The following CCDC171 variants were observed in gnomAD, a reference collection of about 807,000 sequenced individuals.
CCDC171 encodes coiled-coil domain containing 171.
In CCDC171, 177 loss-of-function variants were observed where a neutral mutation model predicts 168.2. The observed-to-expected ratio is 1.05, with a 90% CI of 0.93 to 1.19. CCDC171 has a LOEUF of 1.19. Ranked by LOEUF, CCDC171 falls within the 50% of genes most tolerant of loss-of-function variation. CCDC171 has a pLI of 0.00. For missense variants in CCDC171, 1,991 were observed against 1,539.0 expected, an observed-to-expected ratio of 1.29 and a Z score of -4.91; for synonymous variants, 687 against 540.8, an observed-to-expected ratio of 1.27 and a Z score of -3.75.
intron 3 of CCDC171, among the ~76,000 whole-genome samples, chr9:16,013,816 C>T (rs533986908): frequency 6.6e-6 from 1 of 152,288 alleles, no homozygotes; most frequent in Admixed American, 6.5e-5. Flanking sequence ...GACATTATGT[C>T]TTTAAAAATG....
chr9:15,846,635 G>A, intron 21 of CCDC171, 67 bp from the exon 22 acceptor site: 1 of 1,499,586 alleles, frequency 6.7e-7, no homozygotes, highest in Non-Finnish European at 9.2e-7. Flanking sequence ...TTGTTTAATA[G>A]CCTATGGCAT....
intron 11 of CCDC171, among the ~76,000 whole-genome samples, chr9:15,711,830 T>C (rs1369369463): frequency 6.6e-6 from 1 of 152,228 alleles, no homozygotes; most frequent in Non-Finnish European, 1.5e-5. Flanking sequence ...TTAGTCCTTC[T>C]TTTTCTATCT....
intron 3 of CCDC171, among the ~76,000 whole-genome samples, chr9:15,996,071 C>G (rs1832360771): frequency 1.3e-5 from 2 of 152,226 alleles, no homozygotes; most frequent in Non-Finnish European, 2.9e-5. Flanking sequence ...ACTTACACTG[C>G]TGTCCAGTTT....
chr9:15,764,929 C>G (rs2056643005), intron 18 of CCDC171, among the ~76,000 whole-genome samples: 4 of 152,248 alleles, frequency 2.6e-5, no homozygotes, highest in South Asian at 2.1e-4. Context: ...ATTTGTGGAC[C>G]TTTCAACATT....
At chr9:16,079,167 T>C in the CCDC171 span, among the ~76,000 whole-genome samples, 37,360 of 152,128 alleles carry the variant, frequency 0.25, 4,661 homozygotes, top group Admixed American at 0.28. Flanking sequence ...GATCCTCAGC[T>C]GGCTGCATTG....
rs1420601592 is a variant in CCDC171, at chr9:15,961,718, A to G, written c.3754-9891A>G. ...GCCATAACTATACTAAAATATATAG[A>G]TGTATTTCAGTATATATAAATATGT... On this transcript the variant is annotated intron_variant, in intron 25 of 25. Transcript: ENST00000380701. Among the ~76,000 whole-genome samples the G allele has an allele frequency of 5.3e-5, 8 of 152,132 alleles. No homozygotes were observed. In the South Asian group the frequency reaches 1.4e-3, roughly 28 times the overall value.
At chr9:16,059,805 C>T (rs1463229987) in intron 1 of CCDC171, among the ~76,000 whole-genome samples, 2 of 151,402 alleles carry the variant, frequency 1.3e-5, no homozygotes, top group Non-Finnish European at 2.9e-5. Context: ...TGAGCCACCG[C>T]GCCTGGCCTT....
chr9:15,667,439 A>G (rs1055835384), intron 9 of CCDC171, among the ~76,000 whole-genome samples: 3 of 152,134 alleles, frequency 2.0e-5, no homozygotes, highest in Non-Finnish European at 4.4e-5. Context: ...TGAGTTCAGG[A>G]GTTCGAGACC....
chr9:15,753,085 C>T (rs2055866798), intron 18 of CCDC171, among the ~76,000 whole-genome samples: 1 of 152,118 alleles, frequency 6.6e-6, no homozygotes, highest in Non-Finnish European at 1.5e-5. Flanking sequence ...CTAATACGCA[C>T]AGTTGTTAGA....
rs142579115 is a variant in CCDC171, at chr9:15,744,577, A to C, written c.2354A>C (p.Glu785Ala). ...TCAACTGTAGAGGAAAAGAAGCAAG[A>C]GGAAGCCAAGATGAAAAAGAAAACA... is the stretch of plus-strand genomic sequence containing the variant. The part of the protein sequence containing the change: ...ALSTVEEKKQ[E>A]EAKMKKKTFK... Residue 785 changes from glutamate (E) to alanine (A), a missense_variant, in exon 17 of 26, where the codon GAG becomes GCG. Glu to Ala is a moderately radical substitution (Grantham distance 107). Coordinates refer to ENST00000380701, the MANE Select transcript of CCDC171 (RefSeq NM_173550.4). The C allele has an allele frequency of 6.2e-7, 1 of 1,614,226 alleles. No individual in the cohort carries two copies. Among genetic ancestry groups the C allele is most frequent in the African/African-American group, 1.3e-5 (1 of 75,072 alleles).
intron 21 of CCDC171, among the ~76,000 whole-genome samples, chr9:15,821,086 C>T (rs1250441708): frequency 8.5e-6 from 1 of 117,344 alleles, no homozygotes; most frequent in African/African-American, 3.2e-5. Flanking sequence ...AGACAAAAAT[C>T]ACATGATTAT....
chr9:15,950,537 A>G (rs1829020281), intron 25 of CCDC171, among the ~76,000 whole-genome samples: 1 of 152,134 alleles, frequency 6.6e-6, no homozygotes, highest in African/African-American at 2.4e-5. Context: ...TTCATAAGTG[A>G]AGGAGAAATA....
At chr9:15,874,774 A>C in intron 24 of CCDC171, 111 bp downstream of exon 24, 1 of 1,061,544 alleles carries the variant, frequency 9.4e-7, no homozygotes, top group East Asian at 2.9e-5. Flanking sequence ...AGGAGATGCA[A>C]ATAGATGTTT....
rs183087670 is a variant in CCDC171 at position 15,578,479 on chromosome 9, G to A, written c.178-370G>A. Among the ~76,000 whole-genome samples, 188 of 149,234 alleles carry A rather than the reference G, an allele frequency of 1.3e-3. No individual in the cohort carries two copies. In the Middle Eastern group the frequency reaches 0.025, roughly 20 times the overall value. ...GAGACAGGGTCTGCCCATGTGGCCC[G>A]GGCTGGTCTTGAACTCCTGGGCTTA... On this transcript the variant is annotated intron_variant, in intron 3 of 25. Transcript: ENST00000380701.
chr9:16,040,365 T>C (rs760846504), upstream of CCDC171, among the ~76,000 whole-genome samples: 4 of 152,192 alleles, frequency 2.6e-5, no homozygotes, highest in Non-Finnish European at 5.9e-5. Flanking sequence ...AGACCTCAGA[T>C]TCCTGAGTTC....
At chr9:15,591,673 T>C in intron 5 of CCDC171, 117 bp downstream of exon 5, 1 of 637,822 alleles carries the variant, frequency 1.6e-6, no homozygotes, top group Non-Finnish European at 2.6e-6. Context: ...CCTTCCTTCC[T>C]CCCTCCCATT....
intron 18 of CCDC171, among the ~76,000 whole-genome samples, chr9:15,747,640 A>G (rs550212637): frequency 6.6e-6 from 1 of 152,294 alleles, no homozygotes; most frequent in African/African-American, 2.4e-5. Flanking sequence ...GCAAACTCCA[A>G]CAGATCTGCA....
chr9:16,035,208 C>T (rs1006506072), intron 6 of CCDC171, among the ~76,000 whole-genome samples: 8 of 152,078 alleles, frequency 5.3e-5, no homozygotes, highest in Admixed American at 2.6e-4. Flanking sequence ...CAAATTCGGT[C>T]TTAAAAACAA....
At chr9:15,686,059 G>A (rs1340532617) in intron 10 of CCDC171, among the ~76,000 whole-genome samples, 2 of 152,030 alleles carry the variant, frequency 1.3e-5, no homozygotes, top group Non-Finnish European at 2.9e-5. Flanking sequence ...GGAAATATTA[G>A]CTCATATTTT....
Sources: allele counts gnomAD v4.1 joint callset (sites outside exome capture counted in the v4.1 genomes callset), GRCh38; gene constraint gnomAD v4.1.1; transcripts MANE v1.5; gene names NCBI Gene and HGNC (gene_info 2026-07-23, HGNC 2026-07-21).